LARP4B: variants seen among roughly 807,000 people sequenced by gnomAD.
LARP4B encodes La ribonucleoprotein 4B.
LARP4B carries 12 observed loss-of-function variants against 89.8 expected under a neutral mutation model. That is an observed-to-expected ratio of 0.13 (90% CI 0.09 to 0.22). The LOEUF is 0.22. LARP4B is among the 10% of genes least tolerant of loss of function. LARP4B has a pLI of 1.00. For synonymous variants in LARP4B, 367 were observed against 363.3 expected, an observed-to-expected ratio of 1.01 and a Z score of -0.12; for missense variants, 757 against 947.7, an observed-to-expected ratio of 0.80 and a Z score of 2.64.
At chr10:840,539 A>G (rs1475453108) in intron 7 of LARP4B, among the ~76,000 whole-genome samples, 1 of 152,216 alleles carries the variant, frequency 6.6e-6, no homozygotes, top group East Asian at 1.9e-4. Flanking sequence ...CAGCTCTGGT[A>G]CTCACTGTGT....
At chr10:839,912 C>A (rs1171784610) in intron 7 of LARP4B, among the ~76,000 whole-genome samples, 1 of 152,086 alleles carries the variant, frequency 6.6e-6, no homozygotes, top group Non-Finnish European at 1.5e-5. Context: ...CTGCTAGGTG[C>A]ATAAACCAAC....
Position 822,611 on chromosome 10 carries a change from T to A in LARP4B, c.1485-1766A>T, listed in dbSNP as rs892385997. On this transcript the variant is annotated intron_variant, in intron 13 of 17. Coordinates refer to ENST00000316157, the MANE Select transcript of LARP4B (RefSeq NM_015155.3). This position sits in a 1 kb window ranked among gnomAD's most constrained non-coding sequence, Gnocchi z 4.6. ...CAGTGCCCATCATGCAGAGAGCAGG[T>A]TGGCTGAGCCAAGGCTCAGTGACAG... Among the ~76,000 whole-genome samples the A allele has an allele frequency of 1.3e-5, 2 of 152,132 alleles. No individual in the cohort carries two copies. The highest frequency in any genetic ancestry group is 4.8e-5 in the African/African-American group (2 of 41,420).
At chr10:934,667 C>T (rs1013281818), upstream of LARP4B, among the ~76,000 whole-genome samples, 6 of 152,058 alleles carry the variant, frequency 3.9e-5, no homozygotes, top group Non-Finnish European at 8.8e-5. Flanking sequence ...GAGGTTATAA[C>T]ATGAAATACA....
chr10:866,120 T>G (rs1471583618), intron 3 of LARP4B, among the ~76,000 whole-genome samples: 3 of 152,232 alleles, frequency 2.0e-5, no homozygotes. Context: ...TGTTCGTTCC[T>G]GCTCCCCCAG....
chr10:970,163 C>A, the LARP4B span, among the ~76,000 whole-genome samples: 2 of 152,186 alleles, frequency 1.3e-5, no homozygotes, highest in Non-Finnish European at 2.9e-5. Context: ...TACTTTCTTG[C>A]ATGCCTATAC....
intron 1 of LARP4B, among the ~76,000 whole-genome samples, chr10:928,457 T>A (rs1837213899): frequency 6.6e-6 from 1 of 152,228 alleles, no homozygotes; most frequent in Admixed American, 6.5e-5. Context: ...TGTCAGCCAC[T>A]CCTTGGCTGG....
At chr10:833,351 ATGCCGCCCACG>A (rs1455433676) in intron 8 of LARP4B, among the ~76,000 whole-genome samples, 2 of 149,112 alleles carry the variant, frequency 1.3e-5, no homozygotes, top group Non-Finnish European at 3.0e-5. Flanking sequence ...CCTGGGCGGC[ATGCCGCCCACG>A]GGCTGAAGAA....
the LARP4B span, among the ~76,000 whole-genome samples, chr10:976,074 T>C: frequency 1.7e-3 from 66 of 39,060 alleles, no homozygotes; most frequent in South Asian, 4.8e-3. Context: ...GCCTGTCGCG[T>C]AACGTGTGGA....
At chr10:931,378 G>A (rs1446774756) in intron 1 of LARP4B, 50 bp downstream of exon 1, 1 of 148,120 alleles carries the variant, frequency 6.8e-6, no homozygotes, top group Non-Finnish European at 1.5e-5. Flanking sequence ...CGCGGCGCGG[G>A]TCCGAGCTGG....
chr10:897,683 C>T (rs1350517934), intron 1 of LARP4B, among the ~76,000 whole-genome samples: 1 of 151,904 alleles, frequency 6.6e-6, no homozygotes, highest in Non-Finnish European at 1.5e-5. Context: ...ACAAATAACC[C>T]AACTTAAAAA....
intron 3 of LARP4B, among the ~76,000 whole-genome samples, chr10:874,492 C>G (rs1835378462): frequency 6.6e-6 from 1 of 152,298 alleles, no homozygotes. Context: ...AGGCGTTGTC[C>G]ACAACTAAAC....
intron 1 of LARP4B, among the ~76,000 whole-genome samples, chr10:912,234 T>A (rs1836685096): frequency 6.6e-6 from 1 of 151,396 alleles, no homozygotes; most frequent in South Asian, 2.1e-4. Flanking sequence ...ACACTGATCT[T>A]GGGCCACACA....
intron 5 of LARP4B, among the ~76,000 whole-genome samples, chr10:847,222 C>T (rs2131752001): frequency 6.6e-6 from 1 of 152,140 alleles, no homozygotes; most frequent in South Asian, 2.1e-4. Context: ...GAGATAATAC[C>T]ACCTTAGAAA....
At chr10:838,887 A>T (rs1833371440) in intron 7 of LARP4B, among the ~76,000 whole-genome samples, 1 of 152,246 alleles carries the variant, frequency 6.6e-6, no homozygotes, top group African/African-American at 2.4e-5. Context: ...GTAGATGGAT[A>T]AGCAAACTGT....
At chr10:980,218 C>T in the LARP4B span, among the ~76,000 whole-genome samples, 1 of 152,226 alleles carries the variant, frequency 6.6e-6, no homozygotes, top group Non-Finnish European at 1.5e-5. Flanking sequence ...GGTTCAGCCC[C>T]CTGGGCTGCT....
At chr10:891,761 C>T (rs1456553396) in intron 1 of LARP4B, among the ~76,000 whole-genome samples, 1 of 152,224 alleles carries the variant, frequency 6.6e-6, no homozygotes, top group Admixed American at 6.5e-5. Flanking sequence ...ACCAATATAT[C>T]TCTTAATTAC....
intron 1 of LARP4B, among the ~76,000 whole-genome samples, chr10:888,523 A>G (rs180792179): frequency 8.5e-5 from 13 of 152,296 alleles, no homozygotes; most frequent in Non-Finnish European, 1.3e-4. Flanking sequence ...AGCAAAATCA[A>G]TTGTACCACA....
intron 15 of LARP4B, 123 bp from the exon 16 acceptor site, chr10:815,193 G>A (rs1831969978): frequency 2.5e-6 from 3 of 1,180,120 alleles, no homozygotes; most frequent in South Asian, 4.1e-5. Flanking sequence ...AGGGGAAGAG[G>A]GTCTTCTCCA....
the LARP4B span, among the ~76,000 whole-genome samples, chr10:940,282 G>A: frequency 5.8e-4 from 89 of 152,192 alleles, no homozygotes; most frequent in Admixed American, 1.4e-3. Flanking sequence ...CTCCCAAAGT[G>A]CTGGGATTAC....
Sources: gnomAD v4.1 joint callset for allele counts (sites outside exome capture counted in the v4.1 genomes callset) on GRCh38, gnomAD v4.1.1 for gene constraint, Gnocchi (gnomAD v3.1) non-coding constraint, MANE v1.5 for transcripts, NCBI Gene and HGNC (gene_info 2026-07-23, HGNC 2026-07-21) for gene names.